GTF2A1: variants seen among roughly 807,000 people sequenced by gnomAD.
GTF2A1 encodes the protein general transcription factor IIA subunit 1, also known as transcription initiation factor IIA subunit 1.
GTF2A1 carries 12 observed loss-of-function variants against 54.1 expected under a neutral mutation model. The observed-to-expected ratio is 0.22, with a 90% CI of 0.14 to 0.36. GTF2A1 has a LOEUF of 0.36. Among genes scored for constraint, GTF2A1 ranks in the 10% least tolerant of loss-of-function variants. The pLI, the probability that GTF2A1 is intolerant of heterozygous loss-of-function variation, is 1.00. For synonymous variants in GTF2A1, 145 were observed against 152.0 expected, an observed-to-expected ratio of 0.95 and a Z score of 0.34; for missense variants, 335 against 442.2, an observed-to-expected ratio of 0.76 and a Z score of 2.17.
chr14:81,202,086 C>T (rs542548970), intron 3 of GTF2A1, among the ~76,000 whole-genome samples: 5 of 151,584 alleles, frequency 3.3e-5, no homozygotes, highest in Non-Finnish European at 5.9e-5. Flanking sequence ...GCTGAGATCA[C>T]GCCACTGCAC....
intron 8 of GTF2A1, among the ~76,000 whole-genome samples, chr14:81,184,298 C>T (rs1254781055): frequency 6.6e-6 from 1 of 152,140 alleles, no homozygotes; most frequent in African/African-American, 2.4e-5. Flanking sequence ...AATTTGGTTG[C>T]AAGGAGATCC....
At position 81,192,833 on chromosome 14, in the gene GTF2A1, C is replaced by A. The variant is rs900503612; in HGVS notation, c.619G>T (p.Ala207Ser). The change falls in exon 7 of 9, where the codon GCT becomes TCT. Residue 207 changes from alanine to serine, a missense_variant. Ala to Ser is a moderately conservative substitution (Grantham distance 99). Transcript: ENST00000553612. The stretch of plus-strand genomic sequence containing the variant: ...GGTGAAATCCCTCCAGGAAGAGGAG[C>A]CAGCACCTAAAGCAAAAGAAAACCA... ...VQAPVIQQVL[A>S]PLPGGISPQT... The A allele has an allele frequency of 6.3e-7, 1 of 1,599,282 alleles. No individual in the cohort carries two copies.
At chr14:81,202,156 G>T (rs971954883) in intron 3 of GTF2A1, among the ~76,000 whole-genome samples, 18 of 152,064 alleles carry the variant, frequency 1.2e-4, no homozygotes, top group Non-Finnish European at 2.2e-4. Context: ...AATTCCTAAG[G>T]ATGCAAGGGA....
chr14:81,211,070 T>C (rs891254895), intron 2 of GTF2A1, among the ~76,000 whole-genome samples: 4 of 152,194 alleles, frequency 2.6e-5, no homozygotes, highest in African/African-American at 7.2e-5. Context: ...TCCTATAAGA[T>C]AGACATTATT....
rs3040313 is a variant in GTF2A1 at position 81,220,932 on chromosome 14, ACCG to A, written c.-417_-415del. On this transcript the variant is annotated 5_prime_UTR_variant, in exon 1 of 9. Transcript: ENST00000553612. ...GAGCCAACAAGCTGCGCGAGCCACCACCGCCGCCGCCGCCGCCGCCGAGAGACA... is the reference window on the plus strand; with the variant it reads ...GAGCCAACAAGCTGCGCGAGCCACCACCGCCGCCGCCGCCGCCGAGAGACA... The A allele has an allele frequency of 4.3e-4, 71 of 164,300 alleles. No individual in the cohort carries two copies. The highest frequency in any genetic ancestry group is 1.6e-3 in the Admixed American group (24 of 15,374). 10.2% of individuals were successfully genotyped at this position (164,300 alleles called of 1,614,324 possible).
In GTF2A1 at chr14:81,178,535, A is replaced by T. The variant is rs765482382; in HGVS notation, c.*1688T>A. 6.6e-6 allele frequency: 1 copy of T among 152,148 alleles called. No homozygotes were observed. Among genetic ancestry groups the T allele is most frequent in the Non-Finnish European group, 1.5e-5 (1 of 68,008 alleles). The allele number at this position is 152,148 out of a possible 1,614,324, so 9.4% of individuals were successfully genotyped here. ...ACTAGCATGCTAGACACCACCATTA[A>T]CACCAAAGTTTAGAACATAAGTTAA... On this transcript the variant is annotated 3_prime_UTR_variant, in exon 9 of 9. Transcript: ENST00000553612.
At chr14:81,204,455 T>C (rs1893186155) in intron 2 of GTF2A1, among the ~76,000 whole-genome samples, 1 of 152,158 alleles carries the variant, frequency 6.6e-6, no homozygotes, top group Admixed American at 6.5e-5. Flanking sequence ...GCAAAACCAT[T>C]ACTAAACTAT....
At chr14:81,214,731 T>C (rs1382522715) in intron 2 of GTF2A1, among the ~76,000 whole-genome samples, 1 of 151,918 alleles carries the variant, frequency 6.6e-6, no homozygotes, top group Non-Finnish European at 1.5e-5. Context: ...ATAGAAATTA[T>C]AACAAATTTT....
chr14:81,210,198 A>C (rs756233711), intron 2 of GTF2A1, among the ~76,000 whole-genome samples: 6 of 152,214 alleles, frequency 3.9e-5, no homozygotes, highest in Non-Finnish European at 8.8e-5. Context: ...CAAGTACTAT[A>C]ATACTGGTTC....
intron 4 of GTF2A1, among the ~76,000 whole-genome samples, chr14:81,200,901 A>AC: frequency 6.6e-6 from 1 of 151,144 alleles, no homozygotes; most frequent in South Asian, 2.1e-4. Flanking sequence ...AAAAAAAAAA[A>AC]CAAAAAACAA....
Position 81,180,408 on chromosome 14 carries a change from CACACACACGT to C in GTF2A1, c.1024-88_1024-79del, listed in dbSNP as rs900688920. ...AAACAAGTAACAAAAAACCCATACA[CACACACACGT>C]ACACACACACCCCCCCACAAAACAG... On this transcript the variant is annotated intron_variant, in intron 8 of 8. Coordinates refer to ENST00000553612, the MANE Select transcript of GTF2A1 (RefSeq NM_015859.4). The C allele has an allele frequency of 1.0e-4, 74 of 733,046 alleles. No individual in the cohort carries two copies. In the African/African-American group the frequency reaches 1.3e-3, roughly 13 times the overall value. The allele number at this position is 733,046 out of a possible 1,614,324, so 45.4% of individuals were successfully genotyped here.
intron 2 of GTF2A1, among the ~76,000 whole-genome samples, chr14:81,213,121 T>C (rs1893409268): frequency 6.6e-6 from 1 of 152,234 alleles, no homozygotes; most frequent in Non-Finnish European, 1.5e-5. Context: ...TCAGGTGCCG[T>C]ATCTATTATC....
At chr14:81,201,722 A>C (rs1175480704) in intron 3 of GTF2A1, 64 bp from the exon 4 acceptor site, 10 of 1,040,448 alleles carry the variant, frequency 9.6e-6, no homozygotes, top group East Asian at 2.4e-5. Context: ...TCACAAGAAC[A>C]CTTTACATAC....
intron 7 of GTF2A1, among the ~76,000 whole-genome samples, chr14:81,188,108 T>C (rs1412572784): frequency 6.6e-6 from 1 of 152,262 alleles, no homozygotes; most frequent in Non-Finnish European, 1.5e-5. Context: ...ATATGCTTGT[T>C]AGCTATTTGT....
chr14:81,210,584 TCA>T (rs1333440028), intron 2 of GTF2A1, among the ~76,000 whole-genome samples: 4 of 152,172 alleles, frequency 2.6e-5, no homozygotes, highest in Non-Finnish European at 4.4e-5. Context: ...ATATGGAGTG[TCA>T]CTTTGTTGTC....
At chr14:81,206,122 C>T (rs562668794) in intron 2 of GTF2A1, among the ~76,000 whole-genome samples, 1 of 152,300 alleles carries the variant, frequency 6.6e-6, no homozygotes, top group South Asian at 2.1e-4. Context: ...AACTGGTTTA[C>T]CCACAGCAAT....
At chr14:81,211,372 A>G (rs945401806) in intron 2 of GTF2A1, among the ~76,000 whole-genome samples, 2 of 152,208 alleles carry the variant, frequency 1.3e-5, no homozygotes, top group Admixed American at 1.3e-4. Context: ...CCCAAGATCT[A>G]GTCAAAACTC....
chr14:81,195,380 TC>T (rs1259623681), intron 6 of GTF2A1, among the ~76,000 whole-genome samples: 1 of 151,078 alleles, frequency 6.6e-6, no homozygotes. Context: ...ACACCTGTAA[TC>T]CCAGCACTTT....
At chr14:81,212,034 G>A (rs1893383282) in intron 2 of GTF2A1, among the ~76,000 whole-genome samples, 1 of 151,490 alleles carries the variant, frequency 6.6e-6, no homozygotes, top group Non-Finnish European at 1.5e-5. Context: ...AGTGGGCAGA[G>A]GCCAGTTGTG....
Sources: gnomAD v4.1 joint callset for allele counts (sites outside exome capture counted in the v4.1 genomes callset) on GRCh38, gnomAD v4.1.1 for gene constraint, MANE v1.5 for transcripts, NCBI Gene and HGNC (gene_info 2026-07-23, HGNC 2026-07-21) for gene names.